The following SHISA6 variants were observed in gnomAD, a reference collection of about 807,000 sequenced individuals.
SHISA6 encodes protein shisa-6.
Under a neutral mutation model 47.9 loss-of-function variants are expected in SHISA6, and 22 were observed. The ratio of observed to expected loss-of-function variants is 0.46; its 90% CI spans 0.33 to 0.66. The LOEUF (loss-of-function observed/expected upper bound fraction) is 0.66. Among genes scored for constraint, SHISA6 ranks in the 30% least tolerant of loss-of-function variants. SHISA6 has a pLI of 0.02. For synonymous variants in SHISA6, 388 were observed against 337.8 expected (o/e 1.15, Z -1.63); for missense variants, 680 against 764.6 (o/e 0.89, Z 1.30).
intron 2 of SHISA6, among the ~76,000 whole-genome samples, chr17:11,352,655 G>A (rs896086307): frequency 6.6e-6 from 1 of 152,144 alleles, no homozygotes; most frequent in Non-Finnish European, 1.5e-5. Flanking sequence ...ACGTTCCAGC[G>A]ATGAAGGCAA....
chr17:11,424,456 C>T (rs1037291830), intron 3 of SHISA6, among the ~76,000 whole-genome samples: 9 of 151,798 alleles, frequency 5.9e-5, no homozygotes, highest in African/African-American at 2.2e-4. Context: ...GAGACATCTA[C>T]CTCCATCAAC....
In SHISA6 at chr17:11,474,408, T is replaced by G. The variant is rs1325536800; in HGVS notation, c.896-77488T>G. Among the ~76,000 whole-genome samples the G allele has an allele frequency of 2.1e-4, 10 of 47,374 alleles. No individual in the cohort carries two copies. In the South Asian group the frequency reaches 3.3e-3, roughly 15 times the overall value. The allele number at this position is 47,374 out of a possible 152,430, so 31.1% of individuals were successfully genotyped here. On this transcript the variant is annotated intron_variant, in intron 3 of 5. Coordinates refer to ENST00000441885, the MANE Select transcript of SHISA6 (RefSeq NM_207386.4). ...ATCCTTTGCCCACTTTTTGATGGTT[T>G]TTTTTTTTTTTTCTTGTAAATTTAT...
At chr17:11,246,582 A>T (rs1336021366) in intron 1 of SHISA6, among the ~76,000 whole-genome samples, 1 of 152,226 alleles carries the variant, frequency 6.6e-6, no homozygotes, top group African/African-American at 2.4e-5. Context: ...TAGGGGAAGG[A>T]TGCTGGGAAG....
At chr17:11,550,385 T>C (rs902107577) in intron 3 of SHISA6, among the ~76,000 whole-genome samples, 5 of 152,160 alleles carry the variant, frequency 3.3e-5, no homozygotes, top group African/African-American at 9.7e-5. Flanking sequence ...GAGTTCAGCC[T>C]TCACCAAGGG....
intron 3 of SHISA6, among the ~76,000 whole-genome samples, chr17:11,482,857 C>G (rs1056540477): frequency 1.3e-5 from 2 of 151,978 alleles, no homozygotes; most frequent in African/African-American, 4.8e-5. Context: ...CTGTCATCAT[C>G]ATAAAAACTA....
chr17:11,466,690 C>CT (rs1915817879), intron 3 of SHISA6, among the ~76,000 whole-genome samples: 1 of 152,174 alleles, frequency 6.6e-6, no homozygotes, highest in African/African-American at 2.4e-5. Flanking sequence ...TTTGTAGGCA[C>CT]TTTTTTCTGA....
chr17:11,548,095 G>A (rs569963847), intron 3 of SHISA6, among the ~76,000 whole-genome samples: 6 of 152,172 alleles, frequency 3.9e-5, no homozygotes, highest in South Asian at 2.1e-4. Flanking sequence ...TGTTAGCTAC[G>A]CAACATTCGG....
intron 3 of SHISA6, among the ~76,000 whole-genome samples, chr17:11,544,759 G>A (rs902925405): frequency 2.0e-5 from 3 of 151,978 alleles, no homozygotes; most frequent in Non-Finnish European, 2.9e-5. Flanking sequence ...AGGAGATTGC[G>A]ACCATCCTGG....
At chr17:11,476,892 T>C (rs1916064655) in intron 3 of SHISA6, among the ~76,000 whole-genome samples, 1 of 152,200 alleles carries the variant, frequency 6.6e-6, no homozygotes, top group South Asian at 2.1e-4. Context: ...GATTTATCTA[T>C]TTCTTCTTGT....
At chr17:11,537,286 G>T (rs918111628) in intron 3 of SHISA6, among the ~76,000 whole-genome samples, 12 of 152,084 alleles carry the variant, frequency 7.9e-5, no homozygotes, top group Admixed American at 7.2e-4. Flanking sequence ...GAAAGCAAGA[G>T]AGTGGACAGA....
chr17:11,266,713 G>T (rs1908437049), intron 2 of SHISA6, among the ~76,000 whole-genome samples: 1 of 152,194 alleles, frequency 6.6e-6, no homozygotes, highest in Non-Finnish European at 1.5e-5. Context: ...ACAGCTCATG[G>T]AAAATGAATC....
At chr17:11,532,509 G>A (rs912625710) in intron 3 of SHISA6, among the ~76,000 whole-genome samples, 14 of 152,186 alleles carry the variant, frequency 9.2e-5, no homozygotes, top group African/African-American at 1.7e-4. Flanking sequence ...GCGCACGCGC[G>A]TATGTGTGTA....
chr17:11,397,950 C>G (rs901080764), intron 3 of SHISA6, among the ~76,000 whole-genome samples: 3 of 152,040 alleles, frequency 2.0e-5, no homozygotes, highest in African/African-American at 7.2e-5. Context: ...ATTTCTTTCT[C>G]AAGTTCAATT....
intron 3 of SHISA6, among the ~76,000 whole-genome samples, chr17:11,394,459 T>C (rs1176300456): frequency 1.3e-5 from 2 of 152,186 alleles, no homozygotes; most frequent in Non-Finnish European, 2.9e-5. Context: ...AATTGAGTCA[T>C]CTCTGTACCT....
chr17:11,243,285 C>T (rs1039277873), intron 1 of SHISA6, among the ~76,000 whole-genome samples: 1 of 151,544 alleles, frequency 6.6e-6, no homozygotes, highest in Non-Finnish European at 1.5e-5. Flanking sequence ...AATTTCTAGG[C>T]ATGTTAAAAG....
At chr17:11,329,462 C>T (rs1911023195) in intron 2 of SHISA6, among the ~76,000 whole-genome samples, 1 of 152,148 alleles carries the variant, frequency 6.6e-6, no homozygotes, top group Non-Finnish European at 1.5e-5. Context: ...ACTGGGCATT[C>T]ATCTTCTCTC....
intron 2 of SHISA6, among the ~76,000 whole-genome samples, chr17:11,271,675 G>C (rs989456856): frequency 6.8e-6 from 1 of 146,196 alleles, no homozygotes; most frequent in Admixed American, 6.8e-5. Flanking sequence ...GGCCAGGCTG[G>C]TTTCTAACTC....
At chr17:11,532,391 C>T (rs1050140959) in intron 3 of SHISA6, among the ~76,000 whole-genome samples, 2 of 152,170 alleles carry the variant, frequency 1.3e-5, no homozygotes, top group African/African-American at 4.8e-5. Context: ...GTGCCTGGTG[C>T]CCAGGGAGCA....
At chr17:11,350,676 T>A (rs1223522907) in intron 2 of SHISA6, among the ~76,000 whole-genome samples, 1 of 152,168 alleles carries the variant, frequency 6.6e-6, no homozygotes, top group Non-Finnish European at 1.5e-5. Context: ...TATCTTACCT[T>A]TATCTTTATT....
Sources: allele counts gnomAD v4.1 joint callset (sites outside exome capture counted in the v4.1 genomes callset), GRCh38; gene constraint gnomAD v4.1.1; transcripts MANE v1.5; gene names NCBI Gene and HGNC (gene_info 2026-07-23, HGNC 2026-07-21).